TNS3: variants seen among roughly 807,000 people sequenced by gnomAD.
TNS3 encodes tensin 3, also known as tensin-3.
TNS3 carries 45 observed loss-of-function variants against 140.9 expected under a neutral mutation model. The observed-to-expected ratio is 0.32, with a 90% confidence interval of 0.25 to 0.41. TNS3 has a LOEUF of 0.41. Among genes scored for constraint, TNS3 ranks in the 10% least tolerant of loss-of-function variants. TNS3 has a pLI of 1.00. For missense variants in TNS3, 1,716 were observed against 1,906.7 expected, an observed-to-expected ratio of 0.90 and a Z score of 1.86; for synonymous variants, 815 against 788.4, an observed-to-expected ratio of 1.03 and a Z score of -0.56.
intron 1 of TNS3, among the ~76,000 whole-genome samples, chr7:47,570,730 A>G (rs1352787478): frequency 6.6e-6 from 1 of 152,164 alleles, no homozygotes; most frequent in Non-Finnish European, 1.5e-5. Flanking sequence ...GGCTGTCCAG[A>G]GGATGGAATG....
chr7:47,278,800 T>C (rs1338835290), intron 30 of TNS3: 1 of 152,420 alleles, frequency 6.6e-6, no homozygotes, highest in East Asian at 1.9e-4. Context: ...GCCCATCGAA[T>C]TATTTTTCTT....
chr7:47,344,887 G>A (rs1789240920), intron 19 of TNS3, 37 bp downstream of exon 19: 1 of 1,611,474 alleles, frequency 6.2e-7, no homozygotes, highest in Non-Finnish European at 8.5e-7. Context: ...CCTTGGGCAT[G>A]GAGCAGCACA....
rs143134570 is a variant in TNS3, at chr7:47,511,818, T to C, written c.-152-4874A>G. ...GACCCACAAGAAGAACCTGGAGAAC[T>C]TGGGTTGCAGAACCGGGGCCCAGGC... On this transcript the variant is annotated intron_variant, in intron 2 of 30. Coordinates refer to ENST00000311160, the MANE Select transcript of TNS3 (RefSeq NM_022748.12). Among the ~76,000 whole-genome samples the C allele has an allele frequency of 3.2e-3, 483 of 152,302 alleles. 2 individuals carry two copies. Among genetic ancestry groups the C allele is most frequent in the Non-Finnish European group, 5.6e-3 (379 of 68,014 alleles).
chr7:47,374,608 G>A (rs1444710065), intron 16 of TNS3, among the ~76,000 whole-genome samples: 1 of 152,200 alleles, frequency 6.6e-6, no homozygotes, highest in African/African-American at 2.4e-5. Context: ...AGGTGTGGAA[G>A]CAGGGTCACT....
chr7:47,343,034 C>A (rs1789108203), intron 20 of TNS3, among the ~76,000 whole-genome samples: 1 of 152,230 alleles, frequency 6.6e-6, no homozygotes. Context: ...ATATTGTTAT[C>A]ATGTCACCTT....
chr7:47,330,059 C>T (rs1166965217), intron 20 of TNS3, among the ~76,000 whole-genome samples: 2 of 152,170 alleles, frequency 1.3e-5, no homozygotes, highest in African/African-American at 2.4e-5. Context: ...AAGGTGGGCT[C>T]CAGGTGGCAG....
chr7:47,376,564 C>T (rs1203804637), intron 16 of TNS3, among the ~76,000 whole-genome samples: 1 of 152,200 alleles, frequency 6.6e-6, no homozygotes, highest in Non-Finnish European at 1.5e-5. Context: ...GATGAGAAAT[C>T]AGAGGCTGAG....
intron 10 of TNS3, among the ~76,000 whole-genome samples, chr7:47,420,352 G>A (rs373305266): frequency 2.0e-5 from 3 of 152,128 alleles, no homozygotes; most frequent in East Asian, 1.9e-4. Context: ...GGAGGAGGCC[G>A]TTTCCTGATG....
intron 16 of TNS3, among the ~76,000 whole-genome samples, chr7:47,385,081 AG>A (rs1250141375): frequency 6.6e-6 from 1 of 152,196 alleles, no homozygotes; most frequent in East Asian, 1.9e-4. Flanking sequence ...GTGACGCCAC[AG>A]CCAGTGAACT....
Position 47,526,292 on chromosome 7 carries a change from G to C in TNS3, c.-153+2744C>G, listed in dbSNP as rs1056743162. ...AGTGCAGCCCAAGCCACTGTGGTAA[G>C]TTGTGCAAAAGGCCTCTGTGTCTAA... On this transcript the variant is annotated intron_variant, in intron 2 of 30. Transcript: ENST00000311160. Among the ~76,000 whole-genome samples the C allele has an allele frequency of 3.3e-5, 5 of 152,228 alleles. No homozygotes were observed. The East Asian group carries it at 9.6e-4, about 29-fold the overall frequency.
intron 2 of TNS3, among the ~76,000 whole-genome samples, chr7:47,524,811 G>GAAAAAAAAAAAA (rs58986640): frequency 6.5e-5 from 6 of 93,008 alleles, no homozygotes; most frequent in Admixed American, 1.3e-4. Flanking sequence ...TCCGTCTCAA[G>GAAAAAAAAAAAA]AAAAAAAAAA....
At chr7:47,400,740 ACCGCAGCTGCCCACAAGCACAGGG>A in intron 14 of TNS3, 21 bp downstream of exon 14, 1 of 1,604,936 alleles carries the variant, frequency 6.2e-7, no homozygotes, top group Non-Finnish European at 8.5e-7. Context: ...AGGAGGTTCA[ACCGCAGCTGCCCACAAGCACAGGG>A]CCGCCAGCTC....
At chr7:47,534,654 AC>A (rs1799537297) in intron 1 of TNS3, among the ~76,000 whole-genome samples, 1 of 152,182 alleles carries the variant, frequency 6.6e-6, no homozygotes, top group Non-Finnish European at 1.5e-5. Context: ...AACCGACTAT[AC>A]TGTAAGTATC....
At chr7:47,446,688 C>CT (rs144042398) in intron 4 of TNS3, among the ~76,000 whole-genome samples, 6,433 of 95,278 alleles carry the variant, frequency 0.068, 649 homozygotes, top group Non-Finnish European at 0.079. Flanking sequence ...TCCAGGCTGC[C>CT]TTTTTTTTTT....
chr7:47,314,697 G>T (rs549872010), intron 20 of TNS3, among the ~76,000 whole-genome samples: 93 of 152,278 alleles, frequency 6.1e-4, no homozygotes, highest in African/African-American at 2.2e-3. Context: ...CCTTGTTGTG[G>T]GGCGATCAGG....
At chr7:47,525,907 C>T (rs943047609) in intron 2 of TNS3, among the ~76,000 whole-genome samples, 1 of 152,218 alleles carries the variant, frequency 6.6e-6, no homozygotes, top group Non-Finnish European at 1.5e-5. Flanking sequence ...CATTTGGAAC[C>T]AGAGGATCAA....
At chr7:47,552,337 T>C (rs10273171) in intron 1 of TNS3, among the ~76,000 whole-genome samples, 63,019 of 152,008 alleles carry the variant, frequency 0.41, 13,353 homozygotes, top group Middle Eastern at 0.51. Flanking sequence ...CTGCCTCCGT[T>C]GCAGAAATCA....
At chr7:47,375,944 T>C (rs1791357350) in intron 16 of TNS3, among the ~76,000 whole-genome samples, 1 of 152,238 alleles carries the variant, frequency 6.6e-6, no homozygotes, top group South Asian at 2.1e-4. Flanking sequence ...TTTCTAGGTA[T>C]TGATGCTAAG....
At chr7:47,529,230 T>G in intron 1 of TNS3, 83 bp from the exon 2 acceptor site, 1 of 762,990 alleles carries the variant, frequency 1.3e-6, no homozygotes, top group Non-Finnish European at 1.8e-6. Flanking sequence ...AAATAATAAA[T>G]CTAGTGGAAT....
Sources: allele counts gnomAD v4.1 joint callset (sites outside exome capture counted in the v4.1 genomes callset), GRCh38; gene constraint gnomAD v4.1.1; transcripts MANE v1.5; gene names NCBI Gene and HGNC (gene_info 2026-07-23, HGNC 2026-07-21).